PIAS4: variants seen among roughly 807,000 people sequenced by gnomAD.
PIAS4 encodes E3 SUMO-protein ligase PIAS4.
In PIAS4, 7 loss-of-function variants were observed where a neutral mutation model predicts 58.0. That is an observed-to-expected ratio of 0.12 (90% CI 0.07 to 0.23). The LOEUF (loss-of-function observed/expected upper bound fraction) is 0.23, where lower values mean the gene tolerates loss of function less well. Ranked by LOEUF, PIAS4 falls within the 10% of genes least tolerant of loss-of-function variation. The pLI is 1.00. For missense variants in PIAS4, 550 were observed against 709.5 expected, an observed-to-expected ratio of 0.78 and a Z score of 2.55; for synonymous variants, 364 against 312.4, an observed-to-expected ratio of 1.17 and a Z score of -1.74.
intron 7 of PIAS4, among the ~76,000 whole-genome samples, chr19:4,031,653 A>G (rs2040223620): frequency 6.6e-6 from 1 of 152,078 alleles, no homozygotes; most frequent in Admixed American, 6.5e-5. Context: ...CTCAGTGACC[A>G]GAGCCCGCAG....
chr19:4,008,477 T>C (rs1274716540), intron 1 of PIAS4, among the ~76,000 whole-genome samples: 1 of 152,078 alleles, frequency 6.6e-6, no homozygotes, highest in Non-Finnish European at 1.5e-5. Context: ...CCCGACACCG[T>C]CTCTCACACG....
rs1464039961 is a variant in PIAS4 at position 4,038,856 on chromosome 19, C to T, written c.*981C>T. ...CTCCTTTTTGCTCTTGGTTTTCCGA[C>T]GGGTACGAGGCTGGCCCGGCACCCT... On this transcript the variant is annotated 3_prime_UTR_variant, in exon 11 of 11. Transcript: ENST00000262971. This position sits in a 1 kb window ranked among gnomAD's most constrained non-coding sequence, Gnocchi z 4.1. 3 of 152,824 alleles carry T rather than the reference C, an allele frequency of 2.0e-5. No homozygotes were observed. The highest frequency in any genetic ancestry group is 4.0e-4 in the South Asian group (2 of 5,052). The allele number at this position is 152,824 out of a possible 1,614,324, so 9.5% of individuals were successfully genotyped here.
intron 9 of PIAS4, among the ~76,000 whole-genome samples, chr19:4,036,817 G>C (rs373949731): frequency 1.5e-5 from 2 of 132,866 alleles, no homozygotes; most frequent in African/African-American, 7.1e-5. Flanking sequence ...TCACATATCT[G>C]TACAGTCCAC....
At chr19:4,018,256 C>T (rs1034097634) in intron 2 of PIAS4, among the ~76,000 whole-genome samples, 2 of 152,232 alleles carry the variant, frequency 1.3e-5, no homozygotes, top group East Asian at 1.9e-4. Context: ...TACACCGGGC[C>T]GGTGCTTGCC....
At chr19:4,032,746 G>A (rs535089289) in intron 7 of PIAS4, among the ~76,000 whole-genome samples, 5 of 152,286 alleles carry the variant, frequency 3.3e-5, no homozygotes, top group Admixed American at 6.5e-5. Flanking sequence ...ATGGTGCTTC[G>A]GTGACAGAAT....
rs116684901 is a variant in PIAS4, at chr19:4,036,924, G to C, written c.1143-450G>C. Among the ~76,000 whole-genome samples, 323 of 151,670 alleles carry C rather than the reference G, an allele frequency of 2.1e-3. 2 individuals carry two copies. The highest frequency in any genetic ancestry group is 7.6e-3 in the African/African-American group (313 of 41,168). ...CATCCATTCACACGTGTGTACACAT[G>C]CTCACACACACACATTCATAGACTC... is the stretch of plus-strand genomic sequence containing the variant. On this transcript the variant is annotated intron_variant, in intron 9 of 10. Coordinates refer to ENST00000262971, the MANE Select transcript of PIAS4 (RefSeq NM_015897.4).
chr19:4,019,238 A>T (rs1167824274), intron 2 of PIAS4, among the ~76,000 whole-genome samples: 1 of 152,142 alleles, frequency 6.6e-6, no homozygotes, highest in Non-Finnish European at 1.5e-5. Context: ...CTTCCCCAGC[A>T]TAGGGGGGCC....
intron 2 of PIAS4, among the ~76,000 whole-genome samples, chr19:4,023,452 T>TC (rs2040130816): frequency 6.6e-6 from 1 of 151,922 alleles, no homozygotes; most frequent in Admixed American, 6.6e-5. Flanking sequence ...AGGGTAAAAC[T>TC]CCATCTCCAA....
intron 7 of PIAS4, among the ~76,000 whole-genome samples, chr19:4,030,065 G>A (rs951761019): frequency 6.6e-6 from 1 of 151,368 alleles, no homozygotes; most frequent in African/African-American, 2.4e-5. Context: ...CTCGTGATCC[G>A]CTTGCCTCGG....
At position 4,037,336 on chromosome 19, in the gene PIAS4, AC is replaced by A; in HGVS notation, c.1143-36del. On this transcript the variant is annotated intron_variant, in intron 9 of 10. Transcript: ENST00000262971. The surrounding 1 kb of genome is among the most constrained non-coding windows in gnomAD (Gnocchi z 5.8). ...GGCTGGGGAGTTGGGGGGGTGGGGC[AC>A]CTCCAGCCCCGGCGTCAGCTGTCCG... 6.4e-7 allele frequency: 1 copy of A among 1,572,996 alleles called. No individual in the cohort carries two copies. The highest frequency in any genetic ancestry group is 8.6e-7 in the Non-Finnish European group (1 of 1,157,544).
intron 2 of PIAS4, among the ~76,000 whole-genome samples, chr19:4,017,327 A>G (rs943326331): frequency 1.3e-5 from 2 of 151,552 alleles, no homozygotes; most frequent in South Asian, 2.1e-4. Flanking sequence ...CAGCTCCCCA[A>G]CCTGCCCGCT....
chr19:4,028,256 C>A (rs2040187602), intron 4 of PIAS4, 69 bp downstream of exon 4: 2 of 1,351,376 alleles, frequency 1.5e-6, no homozygotes, highest in Non-Finnish European at 2.1e-6. Context: ...GCCCCCCAGT[C>A]CTGGCCCAGG....
chr19:4,019,267 G>A (rs1483378887), intron 2 of PIAS4, among the ~76,000 whole-genome samples: 3 of 152,164 alleles, frequency 2.0e-5, no homozygotes, highest in African/African-American at 7.2e-5. Context: ...GGGGGGAACC[G>A]TCAGCGGCCC....
chr19:4,022,753 A>G lies in PIAS4; in HGVS notation c.455-1283A>G, dbSNP rs556059627. Among the ~76,000 whole-genome samples, 15 of 150,874 alleles carry G rather than the reference A, an allele frequency of 9.9e-5. No homozygotes were observed. In the South Asian group the frequency reaches 3.2e-3, roughly 32 times the overall value. On this transcript the variant is annotated intron_variant, in intron 2 of 10. Coordinates refer to ENST00000262971, the MANE Select transcript of PIAS4 (RefSeq NM_015897.4). The stretch of plus-strand genomic sequence containing the variant: ...AGTGGTGTGATCTCCACTCACTGCA[A>G]CCTTTGCCTCTCAGCTTCAGACAAT...
intron 2 of PIAS4, among the ~76,000 whole-genome samples, chr19:4,017,051 G>A (rs939295738): frequency 1.3e-5 from 2 of 152,150 alleles, no homozygotes; most frequent in Non-Finnish European, 2.9e-5. Context: ...CCATCTGTCC[G>A]TCTGCACACT....
intron 9 of PIAS4, among the ~76,000 whole-genome samples, chr19:4,035,391 C>T (rs1281591443): frequency 2.0e-5 from 3 of 152,172 alleles, no homozygotes; most frequent in African/African-American, 7.2e-5. Flanking sequence ...GACTGAGGCC[C>T]TTTGGCTAAG....
Position 4,013,262 on chromosome 19 carries a change from C to T in PIAS4, c.367C>T (p.Pro123Ser). 1 of 1,613,344 alleles carries T rather than the reference C, an allele frequency of 6.2e-7. No individual in the cohort carries two copies. Reference sequence around the variant, plus strand: ...GTACTTAAACGGACTGGGACGGTTGCCCGCCAAGACCCTCAAGCCAGAAGT... The same window carrying T: ...GTACTTAAACGGACTGGGACGGTTGTCCGCCAAGACCCTCAAGCCAGAAGT... ...GKYLNGLGRL[P>S]AKTLKPEVRL... Residue 123 changes from proline to serine, a missense_variant, in exon 2 of 11, where the codon CCC becomes TCC. By Grantham distance (74) the Pro-to-Ser change is moderately conservative (BLOSUM62 -1). Coordinates refer to ENST00000262971, the MANE Select transcript of PIAS4 (RefSeq NM_015897.4). This position sits in a 1 kb window ranked among gnomAD's most constrained non-coding sequence, Gnocchi z 5.1.
chr19:4,019,372 A>G (rs1305028438), intron 2 of PIAS4, among the ~76,000 whole-genome samples: 1 of 152,170 alleles, frequency 6.6e-6, no homozygotes, highest in African/African-American at 2.4e-5. Context: ...GAGCCCTCCC[A>G]GGGCAGGGAC....
intron 2 of PIAS4, 85 bp from the exon 3 acceptor site, chr19:4,023,951 G>A: frequency 2.2e-6 from 2 of 902,766 alleles, no homozygotes; most frequent in Non-Finnish European, 3.7e-6. Context: ...TTCCTGGTCT[G>A]AAGAGGCGCA....
Sources: allele counts gnomAD v4.1 joint callset (sites outside exome capture counted in the v4.1 genomes callset), GRCh38; gene constraint gnomAD v4.1.1; non-coding constraint Gnocchi (gnomAD v3.1); transcripts MANE v1.5; gene names NCBI Gene and HGNC (gene_info 2026-07-23, HGNC 2026-07-21).